NOL4L: variants seen among roughly 807,000 people sequenced by gnomAD.
NOL4L encodes the protein nucleolar protein 4-like.
Under a neutral mutation model 64.5 loss-of-function variants are expected in NOL4L, and 7 were observed. That is an observed-to-expected ratio of 0.11 (90% CI 0.06 to 0.20). The LOEUF is 0.20. NOL4L is among the 10% of genes least tolerant of loss of function. NOL4L has a pLI of 1.00. For synonymous variants in NOL4L, 413 were observed against 401.0 expected, an observed-to-expected ratio of 1.03 and a Z score of -0.36; for missense variants, 680 against 967.1, an observed-to-expected ratio of 0.70 and a Z score of 3.94.
intron 4 of NOL4L, among the ~76,000 whole-genome samples, chr20:32,508,286 T>G (rs1020242484): frequency 1.3e-5 from 2 of 152,158 alleles, no homozygotes; most frequent in Non-Finnish European, 2.9e-5. Flanking sequence ...GCACAGGAAA[T>G]AAGCTAGTAA....
chr20:32,510,270 G>T, intron 4 of NOL4L: 1 of 326,346 alleles, frequency 3.1e-6, no homozygotes. Flanking sequence ...CAGCCTCTAG[G>T]GTCTGGGCAC....
At chr20:32,547,411 C>T (rs954443536) in intron 1 of NOL4L, among the ~76,000 whole-genome samples, 1 of 152,194 alleles carries the variant, frequency 6.6e-6, no homozygotes, top group African/African-American at 2.4e-5. Flanking sequence ...CCACCTCAGC[C>T]TCCCAAGTAG....
chr20:32,468,515 C>G (rs114287828), intron 5 of NOL4L, among the ~76,000 whole-genome samples: 2,909 of 152,232 alleles, frequency 0.019, 60 homozygotes, highest in African/African-American at 0.053. Context: ...CTATTCAGTG[C>G]TAGGGCCTGG....
At chr20:32,499,551 C>T (rs910787053) in intron 4 of NOL4L, among the ~76,000 whole-genome samples, 2 of 151,916 alleles carry the variant, frequency 1.3e-5, no homozygotes, top group Non-Finnish European at 2.9e-5. Flanking sequence ...CCAGCTTGGC[C>T]AACATGGTGA....
intron 1 of NOL4L, among the ~76,000 whole-genome samples, chr20:32,575,111 G>A (rs945976662): frequency 1.3e-5 from 2 of 152,002 alleles, no homozygotes; most frequent in African/African-American, 4.8e-5. Context: ...GAATCTGAGC[G>A]TTCCTTCTAA....
intron 1 of NOL4L, among the ~76,000 whole-genome samples, chr20:32,576,550 G>A (rs1446324776): frequency 6.6e-6 from 1 of 152,124 alleles, no homozygotes; most frequent in Non-Finnish European, 1.5e-5. Flanking sequence ...AGCTCATTGG[G>A]ACCTTGAGTG....
intron 4 of NOL4L, 26 bp downstream of exon 4, chr20:32,511,321 G>C (rs770291810): frequency 1.4e-6 from 2 of 1,454,820 alleles, no homozygotes; most frequent in South Asian, 1.2e-5. Flanking sequence ...GCCTCCAGGT[G>C]GGGTGAGGGG....
intron 1 of NOL4L, among the ~76,000 whole-genome samples, chr20:32,571,110 G>C (rs985443139): frequency 6.6e-6 from 1 of 152,218 alleles, no homozygotes. Context: ...GAACCAGCGG[G>C]CAGGGAATGG....
chr20:32,460,426 C>T lies in NOL4L; in HGVS notation c.842-4031G>A, dbSNP rs967378244. Among the ~76,000 whole-genome samples the T allele has an allele frequency of 6.6e-6, 1 of 152,296 alleles. No homozygotes were observed. The highest frequency in any genetic ancestry group is 6.5e-5 in the Admixed American group (1 of 15,300). ...CCCCCACCCCACACAGCTGCCCCCG[C>T]GCCACATGCTCTGGGGGCTGCCTGC... On this transcript the variant is annotated intron_variant, in intron 5 of 10. Transcript: ENST00000621426. The surrounding 1 kb of genome is among the most constrained non-coding windows in gnomAD (Gnocchi z 5.7).
intron 1 of NOL4L, among the ~76,000 whole-genome samples, chr20:32,549,609 C>T (rs184421066): frequency 1.8e-4 from 27 of 152,078 alleles, no homozygotes; most frequent in Admixed American, 7.9e-4. Flanking sequence ...AAAAATTAGC[C>T]GGGAGTGATT....
intron 4 of NOL4L, among the ~76,000 whole-genome samples, chr20:32,489,551 T>C (rs145177465): frequency 1.7e-4 from 26 of 152,302 alleles, no homozygotes; most frequent in African/African-American, 6.0e-4. Context: ...CTCATCTTTA[T>C]CCACTAATTG....
At chr20:32,454,512 C>T (rs960141524) in intron 6 of NOL4L, among the ~76,000 whole-genome samples, 1 of 152,220 alleles carries the variant, frequency 6.6e-6, no homozygotes, top group African/African-American at 2.4e-5. Flanking sequence ...TGGCCAAGCC[C>T]CTCAACCATC....
At chr20:32,488,983 TTGGTAAGAAC>T in intron 4 of NOL4L, among the ~76,000 whole-genome samples, 1 of 146,544 alleles carries the variant, frequency 6.8e-6, no homozygotes, top group African/African-American at 2.5e-5. Flanking sequence ...TTTTTTTTTT[TTGGTAAGAAC>T]TTTTTGGAAA....
intron 1 of NOL4L, among the ~76,000 whole-genome samples, chr20:32,573,183 G>A (rs936743912): frequency 2.6e-5 from 4 of 151,968 alleles, no homozygotes; most frequent in African/African-American, 9.7e-5. Context: ...GCCCAGCTAA[G>A]TTTTTTTAGT....
chr20:32,555,853 G>C (rs1463355836), intron 1 of NOL4L, among the ~76,000 whole-genome samples: 1 of 152,160 alleles, frequency 6.6e-6, no homozygotes, highest in African/African-American at 2.4e-5. Flanking sequence ...TAAGCCACCA[G>C]TCTGTTACTC....
At chr20:32,576,169 G>C (rs1299876894) in intron 1 of NOL4L, among the ~76,000 whole-genome samples, 2 of 152,200 alleles carry the variant, frequency 1.3e-5, no homozygotes, top group African/African-American at 4.8e-5. Flanking sequence ...AGAGGAGGGA[G>C]AGAACCTGAC....
chr20:32,461,914 G>C (rs62207973), intron 5 of NOL4L, among the ~76,000 whole-genome samples: 1,763 of 152,108 alleles, frequency 0.012, 18 homozygotes, highest in Non-Finnish European at 0.019. Context: ...GGCCTGGATG[G>C]CTCCTGCTGC....
intron 1 of NOL4L, among the ~76,000 whole-genome samples, chr20:32,550,237 A>G (rs1231708835): frequency 6.6e-6 from 1 of 152,188 alleles, no homozygotes; most frequent in Non-Finnish European, 1.5e-5. Context: ...CTATTGTAAC[A>G]CAATGATATT....
intron 1 of NOL4L, among the ~76,000 whole-genome samples, chr20:32,558,723 G>A (rs530781194): frequency 1.8e-4 from 28 of 152,342 alleles, no homozygotes; most frequent in African/African-American, 5.3e-4. Flanking sequence ...GCTGGGCCTG[G>A]CCGGGCCTTG....
Sources: allele counts gnomAD v4.1 joint callset (sites outside exome capture counted in the v4.1 genomes callset), GRCh38; gene constraint gnomAD v4.1.1; non-coding constraint Gnocchi (gnomAD v3.1); transcripts MANE v1.5; gene names NCBI Gene and HGNC (gene_info 2026-07-23, HGNC 2026-07-21).